SNTG1: variants seen among roughly 807,000 people sequenced by gnomAD.
The protein encoded by SNTG1 is syntrophin gamma 1.
A neutral mutation model predicts 74.7 loss-of-function variants in SNTG1; 39 were observed. The ratio of observed to expected loss-of-function variants is 0.52; its 90% CI spans 0.40 to 0.68. The LOEUF is 0.68. Among genes scored for constraint, SNTG1 ranks in the 30% least tolerant of loss-of-function variants. The pLI, the probability that SNTG1 is intolerant of heterozygous loss-of-function variation, is 0.00. For missense variants in SNTG1, 685 were observed against 609.5 expected, an observed-to-expected ratio of 1.12 and a Z score of -1.30; for synonymous variants, 254 against 217.1, an observed-to-expected ratio of 1.17 and a Z score of -1.49.
At chr8:50,125,591 A>G (rs940373259) in intron 1 of SNTG1, among the ~76,000 whole-genome samples, 2 of 141,930 alleles carry the variant, frequency 1.4e-5, no homozygotes, top group African/African-American at 2.5e-5. Flanking sequence ...TAAGGCAACC[A>G]TTGTAATAAA....
At chr8:50,485,554 T>G (rs1299059254) in intron 8 of SNTG1, among the ~76,000 whole-genome samples, 1 of 151,176 alleles carries the variant, frequency 6.6e-6, no homozygotes, top group African/African-American at 2.4e-5. Context: ...GAGTTCATTG[T>G]AGATTCTGGA....
chr8:50,697,091 CAT>C (rs1181178693), intron 15 of SNTG1, among the ~76,000 whole-genome samples: 1 of 151,936 alleles, frequency 6.6e-6, no homozygotes, highest in African/African-American at 2.4e-5. Context: ...GCTGTTTTGT[CAT>C]ATGTTTGTGT....
chr8:50,663,345 G>A (rs1315505126), intron 15 of SNTG1, among the ~76,000 whole-genome samples: 1 of 152,174 alleles, frequency 6.6e-6, no homozygotes, highest in East Asian at 1.9e-4. Context: ...AGCATAGGGA[G>A]GGACTGAGGT....
At chr8:50,049,592 G>A (rs1049717697) in intron 1 of SNTG1, among the ~76,000 whole-genome samples, 6 of 152,022 alleles carry the variant, frequency 3.9e-5, no homozygotes, top group Non-Finnish European at 8.8e-5. Flanking sequence ...GATCCAGCAG[G>A]TAGAAAATGA....
rs571966133 is a variant in SNTG1 at position 50,777,788 on chromosome 8, C to G, written c.1396-14883C>G. ...ACATATGTATACATGTGCCATGCTG[C>G]TGTGCTGCACCCATTAACTCATCAT... On this transcript the variant is annotated intron_variant, in intron 18 of 18. Transcript: ENST00000642720. Among the ~76,000 whole-genome samples, 95 of 151,758 alleles carry G rather than the reference C, an allele frequency of 6.3e-4. 1 individual carries two copies. Among genetic ancestry groups the G allele is most frequent in the African/African-American group, 2.2e-3 (93 of 41,382 alleles).
intron 3 of SNTG1, among the ~76,000 whole-genome samples, chr8:50,395,323 C>T (rs1481812938): frequency 6.6e-6 from 1 of 152,058 alleles, no homozygotes; most frequent in African/African-American, 2.4e-5. Context: ...TGCTAATACT[C>T]ATCAAATTAC....
intron 9 of SNTG1, among the ~76,000 whole-genome samples, chr8:50,522,577 C>CTTT (rs34011488): frequency 1.6e-5 from 2 of 127,108 alleles, no homozygotes; most frequent in Non-Finnish European, 3.3e-5. Context: ...GACTTCCTTC[C>CTTT]TTTTTTTTTT....
At position 50,687,922 on chromosome 8, in the gene SNTG1, T is replaced by C. The variant is rs1008307353; in HGVS notation, c.1039-16678T>C. On this transcript the variant is annotated intron_variant, in intron 15 of 18. Coordinates refer to ENST00000642720, the MANE Select transcript of SNTG1 (RefSeq NM_018967.5). ...CCACATCCTCTCCAGCACCTGTTGT[T>C]TCCTGACTTTTTAATGATCGCCATT... is the stretch of plus-strand genomic sequence containing the variant. Among the ~76,000 whole-genome samples the C allele has an allele frequency of 3.3e-5, 5 of 152,312 alleles. No individual in the cohort carries two copies. In the East Asian group the frequency reaches 9.6e-4, roughly 29 times the overall value.
At chr8:49,930,765 C>T (rs1209117645) in intron 1 of SNTG1, among the ~76,000 whole-genome samples, 1 of 152,026 alleles carries the variant, frequency 6.6e-6, no homozygotes, top group Admixed American at 6.6e-5. Flanking sequence ...ACAAAGACAC[C>T]TGCCATACTT....
intron 1 of SNTG1, among the ~76,000 whole-genome samples, chr8:50,044,378 G>T (rs939701402): frequency 4.6e-5 from 7 of 152,168 alleles, no homozygotes. Context: ...AATCCTGAGT[G>T]TCTTTTAAAT....
chr8:49,969,611 G>A lies in SNTG1; in HGVS notation c.-103+57380G>A, dbSNP rs185106475. Among the ~76,000 whole-genome samples the A allele has an allele frequency of 5.3e-3, 812 of 151,778 alleles. 13 individuals carry two copies. Among genetic ancestry groups the A allele is most frequent in the African/African-American group, 0.019 (768 of 41,360 alleles). On this transcript the variant is annotated intron_variant, in intron 1 of 18. Coordinates refer to ENST00000642720, the MANE Select transcript of SNTG1 (RefSeq NM_018967.5). ...GGGGTTTCACCATGTTGGTCAGGCT[G>A]GTGTCAACCTCCTGACCTCAGGTGA...
In SNTG1 at chr8:50,601,152, CAAAAAAAAAAAAAAAAA is replaced by C. The variant is rs71235311; in HGVS notation, c.849+10251_849+10267del. Among the ~76,000 whole-genome samples, 88 of 31,446 alleles carry C rather than the reference CAAAAAAAAAAAAAAAAA, an allele frequency of 2.8e-3. 1 individual carries two copies. The highest frequency in any genetic ancestry group is 4.3e-3 in the South Asian group (2 of 468). The allele number at this position is 31,446 out of a possible 152,430, so 20.6% of individuals were successfully genotyped here. A position where few individuals can be genotyped will look rare whatever the true frequency, so the allele number is the denominator to read the frequency against. ...CAGCCTGGTGACAGAGCCAGCGAGACAAAAAAAAAAAAAAAAAAAAAAAAAAAAAAAAGACATGTTAG... is the reference window on the plus strand; with the variant it reads ...CAGCCTGGTGACAGAGCCAGCGAGACAAAAAAAAAAAAAAAGACATGTTAG... On this transcript the variant is annotated intron_variant, in intron 13 of 18. Coordinates refer to ENST00000642720, the MANE Select transcript of SNTG1 (RefSeq NM_018967.5).
At chr8:50,391,873 T>G (rs572139773) in intron 2 of SNTG1, among the ~76,000 whole-genome samples, 30 of 152,222 alleles carry the variant, frequency 2.0e-4, no homozygotes, top group African/African-American at 7.0e-4. Context: ...AACCACACTA[T>G]AATAGTTAAA....
At chr8:50,240,486 C>T (rs2086116154) in intron 2 of SNTG1, among the ~76,000 whole-genome samples, 2 of 152,142 alleles carry the variant, frequency 1.3e-5, no homozygotes, top group African/African-American at 2.4e-5. Flanking sequence ...ATCATGAATC[C>T]TGAACTCTAC....
chr8:50,067,823 G>C (rs1821025007), intron 1 of SNTG1, among the ~76,000 whole-genome samples: 1 of 152,122 alleles, frequency 6.6e-6, no homozygotes. Context: ...AGTGCACACA[G>C]ACCCCTGTGT....
chr8:50,244,546 T>C (rs1163678267), intron 2 of SNTG1, among the ~76,000 whole-genome samples: 1 of 152,122 alleles, frequency 6.6e-6, no homozygotes, highest in African/African-American at 2.4e-5. Context: ...CTCAAGCATA[T>C]ATATTTTTAA....
intron 1 of SNTG1, among the ~76,000 whole-genome samples, chr8:50,069,465 C>T (rs1191211954): frequency 1.3e-5 from 2 of 150,964 alleles, no homozygotes; most frequent in African/African-American, 4.9e-5. Flanking sequence ...AAAATGTTCA[C>T]AATAAAAATT....
intron 1 of SNTG1, among the ~76,000 whole-genome samples, chr8:50,146,228 G>A (rs1020955395): frequency 3.3e-5 from 5 of 151,968 alleles, no homozygotes; most frequent in African/African-American, 1.2e-4. Flanking sequence ...TTAAAAGTGG[G>A]AATGCTTGGC....
At chr8:50,542,420 G>C (rs1230030635) in intron 11 of SNTG1, among the ~76,000 whole-genome samples, 2 of 151,984 alleles carry the variant, frequency 1.3e-5, no homozygotes, top group African/African-American at 4.8e-5. Context: ...GCCTCCTAAA[G>C]TGTTAGGATT....
Sources: gnomAD v4.1 joint callset for allele counts (sites outside exome capture counted in the v4.1 genomes callset) on GRCh38, gnomAD v4.1.1 for gene constraint, MANE v1.5 for transcripts, NCBI Gene and HGNC (gene_info 2026-07-23, HGNC 2026-07-21) for gene names.